The following RAP1B variants were observed in gnomAD, a reference collection of about 807,000 sequenced individuals.
The protein encoded by RAP1B is ras-related protein Rap-1b.
RAP1B carries 1 observed loss-of-function variant against 27.5 expected under a neutral mutation model. The observed-to-expected ratio is 0.04, with a 90% CI of 0.01 to 0.17. RAP1B has a LOEUF of 0.17. Among genes scored for constraint, RAP1B ranks in the 10% least tolerant of loss-of-function variants. The probability of loss-of-function intolerance (pLI) is 1.00; values close to 1 mark genes in which losing one functional copy is unlikely to be tolerated. For synonymous variants in RAP1B, 75 were observed against 73.1 expected (o/e 1.03, Z -0.13); for missense variants, 84 against 214.8 (o/e 0.39, Z 3.81).
At chr12:68,652,244 G>A (rs768809644) in intron 4 of RAP1B, among the ~76,000 whole-genome samples, 193 bp downstream of exon 4, 9 of 151,894 alleles carry the variant, frequency 5.9e-5, no homozygotes, top group Admixed American at 2.0e-4. Flanking sequence ...TCAGGAGTTC[G>A]AGACCAGCCT....
chr12:68,620,111 G>C (rs117388079), intron 1 of RAP1B, among the ~76,000 whole-genome samples: 3,445 of 151,638 alleles, frequency 0.023, 61 homozygotes, highest in Non-Finnish European at 0.034. Context: ...ACCTTAAGTA[G>C]ACACTTTTCA....
intron 1 of RAP1B, chr12:68,640,946 A>G (rs1223743684): frequency 6.6e-6 from 1 of 152,226 alleles, no homozygotes; most frequent in Non-Finnish European, 1.5e-5. Flanking sequence ...AATACTAGTT[A>G]ATAATCTCCG....
At chr12:68,654,418 A>C (rs1296093628) in intron 5 of RAP1B, among the ~76,000 whole-genome samples, 166 bp downstream of exon 5, 1 of 151,692 alleles carries the variant, frequency 6.6e-6, no homozygotes. Context: ...CATGTTTTCA[A>C]ATATATATCA....
rs1207706368 is a variant in RAP1B, at chr12:68,664,153, C to G, written c.*4904C>G. 1 of 152,092 alleles carries G rather than the reference C, an allele frequency of 6.6e-6. No homozygotes were observed. Among genetic ancestry groups the G allele is most frequent in the Non-Finnish European group, 1.5e-5 (1 of 68,012 alleles). 9.4% of individuals were successfully genotyped at this position (152,092 alleles called of 1,614,324 possible). ...GCAGGGTTTTTTCCTGAAAACAAAA[C>G]AGCACACACATATATTACAGGATTT... On this transcript the variant is annotated 3_prime_UTR_variant, in exon 8 of 8. Transcript: ENST00000250559.
intron 1 of RAP1B, among the ~76,000 whole-genome samples, chr12:68,644,884 T>C (rs957296424): frequency 1.3e-5 from 2 of 151,800 alleles, no homozygotes; most frequent in Non-Finnish European, 2.9e-5. Context: ...GGCTTTGCCA[T>C]GTTGGCCAGG....
intron 1 of RAP1B, among the ~76,000 whole-genome samples, chr12:68,616,977 TGAAAG>T (rs1871074106): frequency 6.6e-6 from 1 of 152,176 alleles, no homozygotes; most frequent in Admixed American, 6.5e-5. Context: ...GGGAAAAAGA[TGAAAG>T]GAAACATGTT....
chr12:68,640,414 GTCTT>G (rs995307617), intron 1 of RAP1B, among the ~76,000 whole-genome samples: 2 of 151,930 alleles, frequency 1.3e-5, no homozygotes, highest in Non-Finnish European at 2.9e-5. Flanking sequence ...TGAGGACAGG[GTCTT>G]TCTTTCACTG....
chr12:68,656,197 T>C (rs1023085218), intron 5 of RAP1B, 109 bp from the exon 6 acceptor site: 5 of 919,688 alleles, frequency 5.4e-6, no homozygotes, highest in Non-Finnish European at 1.6e-6. Context: ...TTAATATTTT[T>C]TGTGGCATAT....
intron 1 of RAP1B, among the ~76,000 whole-genome samples, chr12:68,614,379 T>C (rs1214684025): frequency 6.6e-6 from 1 of 152,248 alleles, no homozygotes; most frequent in Non-Finnish European, 1.5e-5. Context: ...TAACTGTGTT[T>C]CTCTGTATGT....
At chr12:68,658,749 A>G (rs558899794) in intron 7 of RAP1B, among the ~76,000 whole-genome samples, 3 of 152,348 alleles carry the variant, frequency 2.0e-5, no homozygotes, top group African/African-American at 7.2e-5. Context: ...AATAAATTCT[A>G]TTTGTCTGCT....
intron 1 of RAP1B, among the ~76,000 whole-genome samples, chr12:68,632,675 A>G (rs1182147709): frequency 6.6e-6 from 1 of 152,122 alleles, no homozygotes; most frequent in Non-Finnish European, 1.5e-5. Flanking sequence ...TAGACCCTGT[A>G]AAAGAATGTG....
In RAP1B at chr12:68,652,046, G is replaced by A; in HGVS notation, c.178G>A (p.Gly60Arg). The change falls in exon 4 of 8, where the codon GGA (glycine) becomes AGA (arginine). Residue 60 changes from glycine (G) to arginine (R), a missense_variant. Gly to Arg is a moderately radical substitution (Grantham distance 125). Transcript: ENST00000250559. ...TATGCTTGAAATCTTGGATACTGCAGGAACGGTAGGTAAAACTAAATACCA... is the reference window on the plus strand; with the variant it reads ...TATGCTTGAAATCTTGGATACTGCAAGAACGGTAGGTAAAACTAAATACCA... ...QCMLEILDTA[G>R]TEQFTAMRDL... 6.2e-7 allele frequency: 1 copy of A among 1,611,640 alleles called. No homozygotes were observed. Among genetic ancestry groups the A allele is most frequent in the Non-Finnish European group, 8.5e-7 (1 of 1,177,976 alleles).
chr12:68,645,903 G>A (rs1053826415), intron 1 of RAP1B, among the ~76,000 whole-genome samples: 2 of 152,120 alleles, frequency 1.3e-5, no homozygotes, highest in Non-Finnish European at 2.9e-5. Flanking sequence ...GAAATCAGCT[G>A]GTGTGAATGG....
chr12:68,618,466 G>A (rs1871175510), intron 1 of RAP1B, among the ~76,000 whole-genome samples: 1 of 152,128 alleles, frequency 6.6e-6, no homozygotes, highest in Non-Finnish European at 1.5e-5. Flanking sequence ...ATAATTGTGA[G>A]TTTTGATTAG....
chr12:68,633,221 A>AC (rs1329199873), intron 1 of RAP1B, among the ~76,000 whole-genome samples: 3 of 151,530 alleles, frequency 2.0e-5, no homozygotes, highest in East Asian at 1.9e-4. Flanking sequence ...CCTCCACTGA[A>AC]CCCCCCACCA....
At chr12:68,642,537 G>A in intron 1 of RAP1B, 2 of 1,014,612 alleles carry the variant, frequency 2.0e-6, no homozygotes, top group East Asian at 2.4e-5. Flanking sequence ...ATTAGTTGGT[G>A]AGGCCAATAA....
At chr12:68,638,818 A>G (rs2439744) in intron 1 of RAP1B, among the ~76,000 whole-genome samples, 108,034 of 151,812 alleles carry the variant, frequency 0.71, 38,821 homozygotes, top group African/African-American at 0.79. Flanking sequence ...GCACCACCAA[A>G]CCCGACTGAT....
rs1875011143 is a variant in RAP1B, at chr12:68,669,921, ATTTC to A, written c.*10676_*10679del. 1.4e-5 allele frequency: 2 copies of A among 139,186 alleles called. No homozygotes were observed. The highest frequency in any genetic ancestry group is 2.1e-4 in the East Asian group (1 of 4,842). The allele number at this position is 139,186 out of a possible 1,614,324, so 8.6% of individuals were successfully genotyped here. On this transcript the variant is annotated 3_prime_UTR_variant, in exon 8 of 8. Coordinates refer to ENST00000250559, the MANE Select transcript of RAP1B (RefSeq NM_001010942.3). ...TGACGTTTATACGTGACAAAAATAT[ATTTC>A]TTTTTCTTTCTTTTTTTTTTTTTTT...
In RAP1B at chr12:68,665,701, G is replaced by A. The variant is rs1480504225; in HGVS notation, c.*6452G>A. Reference sequence around the variant, plus strand: ...TTTTATCTCTCTGTATATACTTGGTGGTGAATTTGCTACAAATGTAAGGAG... The same window carrying A: ...TTTTATCTCTCTGTATATACTTGGTAGTGAATTTGCTACAAATGTAAGGAG... On this transcript the variant is annotated 3_prime_UTR_variant, in exon 8 of 8. Coordinates refer to ENST00000250559, the MANE Select transcript of RAP1B (RefSeq NM_001010942.3). The A allele has an allele frequency of 6.6e-6, 1 of 152,036 alleles. No homozygotes were observed. The highest frequency in any genetic ancestry group is 1.5e-5 in the Non-Finnish European group (1 of 68,002). 9.4% of individuals were successfully genotyped at this position (152,036 alleles called of 1,614,324 possible).
Sources: gnomAD v4.1 joint callset for allele counts (sites outside exome capture counted in the v4.1 genomes callset) on GRCh38, gnomAD v4.1.1 for gene constraint, MANE v1.5 for transcripts, NCBI Gene and HGNC (gene_info 2026-07-23, HGNC 2026-07-21) for gene names.